Variants in INSYN2A observed in about 807,000 individuals in gnomAD.
The protein encoded by INSYN2A is family with sequence similarity 196 member A.
A neutral mutation model predicts 39.4 loss-of-function variants in INSYN2A; 17 were observed. The observed-to-expected ratio is 0.43, with a 90% CI of 0.30 to 0.65. The LOEUF is 0.65. INSYN2A is among the 30% of genes least tolerant of loss of function. The pLI, the probability that INSYN2A is intolerant of heterozygous loss-of-function variation, is 0.14. For synonymous variants in INSYN2A, 255 were observed against 265.7 expected, an observed-to-expected ratio of 0.96 and a Z score of 0.39; for missense variants, 595 against 631.2, an observed-to-expected ratio of 0.94 and a Z score of 0.61.
chr10:127,158,262 A>G (rs2053269219), intron 4 of INSYN2A, among the ~76,000 whole-genome samples: 1 of 152,226 alleles, frequency 6.6e-6, no homozygotes, highest in Non-Finnish European at 1.5e-5. Context: ...CTATATTGCC[A>G]TTGCCATAAG....
At chr10:127,145,284 A>T (rs2051698782) in intron 5 of INSYN2A, among the ~76,000 whole-genome samples, 1 of 152,178 alleles carries the variant, frequency 6.6e-6, no homozygotes, top group Non-Finnish European at 1.5e-5. Context: ...GCCTCTGCCC[A>T]TCGTAAGTTC....
intron 5 of INSYN2A, chr10:127,145,850 C>T (rs757845015): frequency 1.9e-5 from 7 of 369,026 alleles, no homozygotes; most frequent in Non-Finnish European, 3.7e-5. Context: ...ACACGGAAAC[C>T]ATTAGCTGCT....
intron 5 of INSYN2A, among the ~76,000 whole-genome samples, chr10:127,149,838 C>A (rs986670785): frequency 1.1e-4 from 16 of 152,164 alleles, no homozygotes; most frequent in African/African-American, 3.6e-4. Flanking sequence ...CCGGGGTGTT[C>A]CAGGCATCCC....
At chr10:127,177,271 T>C (rs1009575424) in intron 2 of INSYN2A, 132 bp from the exon 3 acceptor site, 2 of 152,218 alleles carry the variant, frequency 1.3e-5, no homozygotes, top group African/African-American at 4.8e-5. Flanking sequence ...ACTATGAGGC[T>C]TTATGTTAAT....
chr10:127,164,550 C>T (rs1006094685), intron 4 of INSYN2A, among the ~76,000 whole-genome samples: 2 of 152,104 alleles, frequency 1.3e-5, no homozygotes, highest in African/African-American at 2.4e-5. Context: ...TCCTTTTTCA[C>T]AGAGCCATCA....
intron 1 of INSYN2A, among the ~76,000 whole-genome samples, chr10:127,195,448 A>C (rs1421356272): frequency 6.6e-6 from 1 of 151,782 alleles, no homozygotes; most frequent in Non-Finnish European, 1.5e-5. Flanking sequence ...CGAGCATTTC[A>C]CGTGGGCATC....
chr10:127,195,133 AC>A (rs1186890274), intron 1 of INSYN2A, among the ~76,000 whole-genome samples: 1 of 152,200 alleles, frequency 6.6e-6, no homozygotes, highest in East Asian at 1.9e-4. Context: ...TGCTGAGGTC[AC>A]AGGGAGCGGC....
rs1325768460 is a variant in INSYN2A, at chr10:127,135,442, TTTTA to T, written c.*2391_*2394del. The T allele has an allele frequency of 6.5e-6, 1 of 152,690 alleles. No homozygotes were observed. Among genetic ancestry groups the T allele is most frequent in the Non-Finnish European group, 1.5e-5 (1 of 68,052 alleles). 9.5% of individuals were successfully genotyped at this position (152,690 alleles called of 1,614,324 possible). ...TAGCCACATAAAACATCTTTGATTT[TTTTA>T]TTTAAAAATTAATAAAGAACTTAAC... On this transcript the variant is annotated 3_prime_UTR_variant, in exon 6 of 6. Transcript: ENST00000522781.
intron 2 of INSYN2A, among the ~76,000 whole-genome samples, chr10:127,182,317 C>A (rs11016679): frequency 6.6e-6 from 1 of 152,124 alleles, no homozygotes; most frequent in Admixed American, 6.5e-5. Context: ...ACAAAAAAAC[C>A]TATGGTCAGT....
At chr10:127,178,300 A>G (rs989104882) in intron 2 of INSYN2A, among the ~76,000 whole-genome samples, 2 of 152,228 alleles carry the variant, frequency 1.3e-5, no homozygotes, top group African/African-American at 4.8e-5. Flanking sequence ...AACAACAAAA[A>G]ACAATCTCTG....
At chr10:127,181,402 G>A (rs1015796821) in intron 2 of INSYN2A, among the ~76,000 whole-genome samples, 5 of 152,164 alleles carry the variant, frequency 3.3e-5, no homozygotes, top group Admixed American at 6.5e-5. Flanking sequence ...TAAAATGTCC[G>A]TGCTGATTTG....
At chr10:127,145,949 A>C (rs1213118829) in intron 5 of INSYN2A, 1 of 510,640 alleles carries the variant, frequency 2.0e-6, no homozygotes, top group Non-Finnish European at 3.9e-6. Context: ...AGGTTCTTTC[A>C]AGACGCCTAT....
chr10:127,173,177 A>G (rs186975630), intron 4 of INSYN2A, among the ~76,000 whole-genome samples: 3 of 152,202 alleles, frequency 2.0e-5, no homozygotes, highest in Non-Finnish European at 4.4e-5. Flanking sequence ...GTGGACATCT[A>G]CCCATTCAGA....
rs2057122162 is a variant in INSYN2A at position 127,196,141 on chromosome 10, C to CCT, written c.-541_-540dup. The stretch of plus-strand genomic sequence containing the variant: ...ACTCGCCGCGCTCACGCGGAGGAAG[C>CCT]CTCGGCTCCGGGGACTTGGCCCGCT... On this transcript the variant is annotated 5_prime_UTR_variant, in exon 1 of 6. Transcript: ENST00000522781. 1 of 151,708 alleles carries CCT rather than the reference C, an allele frequency of 6.6e-6. No individual in the cohort carries two copies. Among genetic ancestry groups the CCT allele is most frequent in the Non-Finnish European group, 1.5e-5 (1 of 67,942 alleles). The allele number at this position is 151,708 out of a possible 1,614,324, so 9.4% of individuals were successfully genotyped here. A position where few individuals can be genotyped will look rare whatever the true frequency, so the allele number is the denominator to read the frequency against.
At chr10:127,193,214 C>T (rs1295697740) in intron 1 of INSYN2A, among the ~76,000 whole-genome samples, 1 of 152,158 alleles carries the variant, frequency 6.6e-6, no homozygotes, top group Non-Finnish European at 1.5e-5. Context: ...GGTTGTGGTG[C>T]TTCACATTTA....
intron 2 of INSYN2A, among the ~76,000 whole-genome samples, chr10:127,188,073 G>A (rs921465964): frequency 2.0e-5 from 3 of 152,172 alleles, no homozygotes; most frequent in African/African-American, 4.8e-5. Flanking sequence ...TGAATGTCAC[G>A]GGGGAGCAGG....
chr10:127,146,951 C>T (rs2051921571), intron 5 of INSYN2A, among the ~76,000 whole-genome samples: 1 of 152,154 alleles, frequency 6.6e-6, no homozygotes, highest in South Asian at 2.1e-4. Context: ...TTTCTTTTTG[C>T]AATACACTCG....
At chr10:127,191,604 C>T (rs1234925987) in intron 2 of INSYN2A, among the ~76,000 whole-genome samples, 1 of 152,122 alleles carries the variant, frequency 6.6e-6, no homozygotes, top group African/African-American at 2.4e-5. Flanking sequence ...GAAGAAGGAC[C>T]ATTGACAAAT....
chr10:127,194,891 G>C (rs2134149550), intron 1 of INSYN2A, among the ~76,000 whole-genome samples: 1 of 118,608 alleles, frequency 8.4e-6, no homozygotes, highest in Admixed American at 9.2e-5. Context: ...AGCAGACAAG[G>C]TCAAAGTAAA....
Sources: gnomAD v4.1 joint callset for allele counts (sites outside exome capture counted in the v4.1 genomes callset) on GRCh38, gnomAD v4.1.1 for gene constraint, MANE v1.5 for transcripts, NCBI Gene and HGNC (gene_info 2026-07-23, HGNC 2026-07-21) for gene names.